The following RYR3 variants were observed in gnomAD, a reference collection of about 807,000 sequenced individuals.
RYR3 encodes the protein ryanodine receptor 3, also known as brain ryanodine receptor-calcium release channel.
RYR3 carries 207 observed loss-of-function variants against 584.3 expected under a neutral mutation model. The ratio of observed to expected loss-of-function variants is 0.35; its 90% confidence interval spans 0.32 to 0.40. The LOEUF (loss-of-function observed/expected upper bound fraction) is 0.40. RYR3 is among the 10% of genes least tolerant of loss of function. The probability of loss-of-function intolerance (pLI) is 1.00; values close to 1 mark genes in which losing one functional copy is unlikely to be tolerated. For synonymous variants in RYR3, 2,416 were observed against 2,248.5 expected (o/e 1.07, Z -2.11); for missense variants, 5,616 against 6,089.2 (o/e 0.92, Z 2.59).
rs113646851 is a variant in RYR3, at chr15:33,432,668, T to TGTGTGTGTGTGTGTGTG, written c.52-40751_52-40750insGTGTGTGTGTGTGTGTG. Among the ~76,000 whole-genome samples the TGTGTGTGTGTGTGTGTG allele has an allele frequency of 5.4e-3, 717 of 132,188 alleles. 13 individuals carry two copies. Among genetic ancestry groups the TGTGTGTGTGTGTGTGTG allele is most frequent in the African/African-American group, 0.02 (627 of 31,676 alleles). The allele number at this position is 132,188 out of a possible 152,430, so 86.7% of individuals were successfully genotyped here. On this transcript the variant is annotated intron_variant, in intron 1 of 103. Transcript: ENST00000634891. ...GGTGCCCACGACCACGCCTAGCTAA[T>TGTGTGTGTGTGTGTGTG]TGTGTGTGTGTGTGTGTGTGTGTGT...
chr15:33,513,829 A>C (rs2053251213), intron 3 of RYR3, among the ~76,000 whole-genome samples: 1 of 152,222 alleles, frequency 6.6e-6, no homozygotes, highest in Non-Finnish European at 1.5e-5. Flanking sequence ...CTAAACGTCT[A>C]TCCCAGGATC....
At chr15:33,579,861 A>G (rs939717558) in intron 12 of RYR3, 115 bp from the exon 13 acceptor site, 2 of 647,124 alleles carry the variant, frequency 3.1e-6, no homozygotes, top group Non-Finnish European at 4.9e-6. Flanking sequence ...GTGGCCGCCC[A>G]AGGAAGCAAC....
chr15:33,783,711 G>A lies in RYR3; in HGVS notation c.9269-1951G>A, dbSNP rs191888827. Among the ~76,000 whole-genome samples the A allele has an allele frequency of 3.9e-5, 6 of 152,294 alleles. No homozygotes were observed. In the East Asian group the frequency reaches 1.2e-3, roughly 29 times the overall value. ...CATTGTTCTGTGTGTAGAACCTCAA[G>A]GTAGAATGTTTGACTTCCCTGTGTT... On this transcript the variant is annotated intron_variant, in intron 65 of 103. Transcript: ENST00000634891.
In RYR3 at chr15:33,563,594, T is replaced by C. The variant is rs1368429033; in HGVS notation, c.1146+584T>C. 2.0e-5 allele frequency among the ~76,000 whole-genome samples: 3 copies of C among 152,158 alleles called. No individual in the cohort carries two copies. In the East Asian group the frequency reaches 5.8e-4, roughly 29 times the overall value. On this transcript the variant is annotated intron_variant, in intron 11 of 103. Transcript: ENST00000634891. ...ATTGCCGTAACAGTGTTTCTTTTGG[T>C]GGGAACCAAATAATGGATGTCAAAG... is the stretch of plus-strand genomic sequence containing the variant.
intron 1 of RYR3, among the ~76,000 whole-genome samples, chr15:33,328,943 CA>C (rs549109781): frequency 5.6e-4 from 85 of 152,178 alleles, no homozygotes; most frequent in African/African-American, 1.8e-3. Context: ...TTTCCTTTTT[CA>C]GTCTTTCTCT....
intron 1 of RYR3, among the ~76,000 whole-genome samples, chr15:33,403,241 AAATT>A (rs34591050): frequency 0.06 from 9,173 of 152,288 alleles, 300 homozygotes; most frequent in Non-Finnish European, 0.066. Flanking sequence ...TATAGGTAGA[AAATT>A]AAGGCAATGT....
intron 49 of RYR3, among the ~76,000 whole-genome samples, 177 bp downstream of exon 49, chr15:33,736,502 A>C (rs1022275029): frequency 6.6e-6 from 1 of 152,162 alleles, no homozygotes; most frequent in Non-Finnish European, 1.5e-5. Context: ...TTGAATGCCG[A>C]GGTTGAAGAA....
intron 1 of RYR3, among the ~76,000 whole-genome samples, chr15:33,379,493 T>C (rs1456177777): frequency 6.6e-6 from 1 of 152,126 alleles, no homozygotes; most frequent in Non-Finnish European, 1.5e-5. Flanking sequence ...ACTGTCCTGC[T>C]ACCCTCGATT....
chr15:33,769,605 A>C (rs1286208634), intron 62 of RYR3, among the ~76,000 whole-genome samples: 3 of 152,132 alleles, frequency 2.0e-5, no homozygotes, highest in Non-Finnish European at 4.4e-5. Context: ...ATTTGGGAAG[A>C]AGTCTTAAAA....
chr15:33,776,534 C>T (rs1417891078), intron 64 of RYR3, among the ~76,000 whole-genome samples: 1 of 152,182 alleles, frequency 6.6e-6, no homozygotes, highest in Admixed American at 6.5e-5. Context: ...TTGTTTCTTT[C>T]ATCCTGTCTG....
chr15:33,830,603 C>T (rs901164441), intron 85 of RYR3, among the ~76,000 whole-genome samples: 1 of 143,092 alleles, frequency 7.0e-6, no homozygotes, highest in Non-Finnish European at 1.6e-5. Flanking sequence ...ATGTAATGTA[C>T]TCAGAACAAC....
intron 44 of RYR3, 82 bp downstream of exon 44, chr15:33,722,977 T>C (rs2068062185): frequency 8.0e-7 from 1 of 1,253,322 alleles, no homozygotes; most frequent in Non-Finnish European, 1.1e-6. Flanking sequence ...ATTTAGGAGG[T>C]AATAGAGAAA....
intron 52 of RYR3, among the ~76,000 whole-genome samples, chr15:33,743,268 G>A (rs964755423): frequency 6.6e-6 from 1 of 152,192 alleles, no homozygotes; most frequent in Non-Finnish European, 1.5e-5. Flanking sequence ...GGGAGCTGAT[G>A]ATAACAGCTA....
intron 10 of RYR3, among the ~76,000 whole-genome samples, chr15:33,558,819 TACTC>T (rs1023864961): frequency 2.6e-5 from 4 of 152,156 alleles, no homozygotes; most frequent in African/African-American, 9.7e-5. Flanking sequence ...GAACACTTGT[TACTC>T]ACAGTTCCCA....
At chr15:33,854,566 C>T in intron 97 of RYR3, 117 bp downstream of exon 97, 1 of 1,056,694 alleles carries the variant, frequency 9.5e-7, no homozygotes, top group Non-Finnish European at 1.4e-6. Context: ...AGACCAAGAG[C>T]CTTATACGTG....
At position 33,842,010 on chromosome 15, in the gene RYR3, T is replaced by G; in HGVS notation, c.13184T>G (p.Leu4395Arg). Reference protein sequence around the residue: ...EAFTANFFKGLEIYQTKLLHY... With the variant: ...EAFTANFFKGREIYQTKLLHY... ...TTCACAGCCAATTTCTTTAAAGGGC[T>G]GGAAATCTATCAGACCAAGTTACTG... The change falls in exon 91 of 104, where the codon CTG becomes CGG. Residue 4395 changes from leucine (L) to arginine (R), a missense_variant. Coordinates refer to ENST00000634891, the MANE Select transcript of RYR3 (RefSeq NM_001036.6). 6.2e-7 allele frequency: 1 copy of G among 1,602,448 alleles called. No homozygotes were observed.
At chr15:33,682,545 T>C (rs1248479314) in intron 38 of RYR3, among the ~76,000 whole-genome samples, 1 of 152,190 alleles carries the variant, frequency 6.6e-6, no homozygotes, top group Non-Finnish European at 1.5e-5. Flanking sequence ...TGAAGTGAAT[T>C]AGAATGTTAA....
intron 43 of RYR3, among the ~76,000 whole-genome samples, chr15:33,708,030 C>T (rs1174528470): frequency 1.3e-5 from 2 of 152,132 alleles, no homozygotes; most frequent in African/African-American, 4.8e-5. Flanking sequence ...GGAACCCACC[C>T]AGCCAACTTC....
At chr15:33,788,076 A>G (rs1363945933) in intron 66 of RYR3, 142 bp from the exon 67 acceptor site, 12 of 1,012,740 alleles carry the variant, frequency 1.2e-5, no homozygotes, top group Non-Finnish European at 1.8e-5. Context: ...GGAAGTATCA[A>G]GGGGAAGATT....
Sources: allele counts gnomAD v4.1 joint callset (sites outside exome capture counted in the v4.1 genomes callset), GRCh38; gene constraint gnomAD v4.1.1; transcripts MANE v1.5; gene names NCBI Gene and HGNC (gene_info 2026-07-23, HGNC 2026-07-21).